The following BRWD3 variants were observed in gnomAD, a reference collection of about 807,000 sequenced individuals.
BRWD3 encodes the protein bromodomain and WD repeat domain containing 3.
Under a neutral mutation model 149.7 loss-of-function variants are expected in BRWD3, and 10 were observed. The observed-to-expected ratio is 0.07, with a 90% CI of 0.04 to 0.11. The LOEUF is 0.11. BRWD3 is among the 10% of genes least tolerant of loss of function. BRWD3 has a pLI of 1.00. For synonymous variants in BRWD3, 504 were observed against 456.7 expected (o/e 1.10, Z -1.32); for missense variants, 940 against 1,373.2 (o/e 0.68, Z 4.99).
chrX:80,769,002 T>C (rs984021862), intron 6 of BRWD3, among the ~76,000 whole-genome samples: 1 of 111,539 alleles, frequency 9.0e-6, no homozygotes, highest in Admixed American at 9.5e-5. Flanking sequence ...AGAAGGACAT[T>C]ACATAATGGT....
At chrX:80,705,226 A>G (rs1440061849) in intron 22 of BRWD3, among the ~76,000 whole-genome samples, 1 of 108,863 alleles carries the variant, frequency 9.2e-6, no homozygotes, top group African/African-American at 3.4e-5. Context: ...AGAGTGTACC[A>G]CTGTGCTCCA....
At chrX:80,800,218 C>A (rs188436301) in intron 4 of BRWD3, among the ~76,000 whole-genome samples, 2 of 104,129 alleles carry the variant, frequency 1.9e-5, no homozygotes, top group Non-Finnish European at 3.9e-5. Flanking sequence ...TGCATGGTAA[C>A]TAGTGCATAA....
At chrX:80,682,245 G>C (rs983835832) in intron 38 of BRWD3, 151 bp from the exon 39 acceptor site, 17 of 608,339 alleles carry the variant, frequency 2.8e-5, no homozygotes, top group Non-Finnish European at 5.1e-6. Context: ...TAATTTGACA[G>C]TGAAACTTCA....
intron 6 of BRWD3, among the ~76,000 whole-genome samples, chrX:80,785,362 C>T (rs1315214772): frequency 5.4e-5 from 6 of 111,835 alleles, no homozygotes; most frequent in East Asian, 5.6e-4. Flanking sequence ...GATATTTTTG[C>T]TCTTGCCATA....
intron 12 of BRWD3, among the ~76,000 whole-genome samples, chrX:80,731,010 C>G (rs758576470): frequency 9.0e-6 from 1 of 111,507 alleles, no homozygotes; most frequent in African/African-American, 3.3e-5. Context: ...ATGAACATCT[C>G]TATATAATCT....
chrX:80,693,332 T>G lies in BRWD3; in HGVS notation c.3152-281A>C, dbSNP rs192201129. ...TTTTTTCAATTAATTAGCATCATCA[T>G]TAGGCACACTTCTTATTGTATTACA... On this transcript the variant is annotated intron_variant, in intron 27 of 40. Coordinates refer to ENST00000373275, the MANE Select transcript of BRWD3 (RefSeq NM_153252.5). 1.9e-3 allele frequency among the ~76,000 whole-genome samples: 213 copies of G among 112,293 alleles called. 1 individual carries two copies. The highest frequency in any genetic ancestry group is 8.3e-4 in the Non-Finnish European group (44 of 53,231).
intron 20 of BRWD3, chrX:80,710,271 C>A (rs2072941625): frequency 8.3e-6 from 3 of 362,798 alleles, no homozygotes; most frequent in South Asian, 6.5e-5. Context: ...ACCCAAATAT[C>A]AACACAACAA....
chrX:80,705,939 C>A (rs1344297289), intron 22 of BRWD3, among the ~76,000 whole-genome samples: 6 of 112,165 alleles, frequency 5.3e-5, no homozygotes, highest in Non-Finnish European at 1.1e-4. Flanking sequence ...GAAGACTTTA[C>A]AAACACTACG....
Position 80,725,104 on chromosome X carries a change from C to T in BRWD3, c.1387-37G>A, listed in dbSNP as rs372849771. ...ATCAGTATTAACAATGAAAGCAACA[C>T]GAAATGTTTGGTTCATTTGGTAAAA... is the stretch of plus-strand genomic sequence containing the variant. On this transcript the variant is annotated intron_variant, in intron 14 of 40. Coordinates refer to ENST00000373275, the MANE Select transcript of BRWD3 (RefSeq NM_153252.5). The T allele has an allele frequency of 1.2e-4, 137 of 1,189,750 alleles. No individual in the cohort carries two copies. In the African/African-American group the frequency reaches 1.9e-3, roughly 17 times the overall value.
intron 9 of BRWD3, among the ~76,000 whole-genome samples, chrX:80,735,545 G>A (rs1423911227): frequency 2.7e-5 from 3 of 111,049 alleles, no homozygotes; most frequent in African/African-American, 9.8e-5. Flanking sequence ...TTTTGGCTGG[G>A]CACAGTGGCT....
intron 14 of BRWD3, 149 bp downstream of exon 14, chrX:80,728,603 C>G (rs1442482908): frequency 2.1e-6 from 1 of 476,390 alleles, no homozygotes; most frequent in Admixed American, 4.3e-5. Context: ...CCCTATTTTA[C>G]AGATATGTCA....
At chrX:80,781,880 T>C (rs1452500179) in intron 6 of BRWD3, among the ~76,000 whole-genome samples, 2 of 111,751 alleles carry the variant, frequency 1.8e-5, no homozygotes, top group Non-Finnish European at 3.8e-5. Flanking sequence ...AGGAAAGATA[T>C]TCCATATTCA....
chrX:80,739,710 A>C (rs944366824), intron 8 of BRWD3, among the ~76,000 whole-genome samples: 1 of 111,923 alleles, frequency 8.9e-6, no homozygotes, highest in African/African-American at 3.2e-5. Context: ...CCAAGCCCTA[A>C]GTTTTTTCCT....
In BRWD3 at chrX:80,791,868, T is replaced by C; in HGVS notation, c.416A>G (p.Lys139Arg). ...ATATTACTCACCCACATTTGGAGGT[T>C]TCACATAATTTACAGGTAGTTCTGG... ...RPPELPVNYV[K>R]PPNVVNITSA... The change falls in exon 6 of 41, where the codon AAA becomes AGA. Residue 139 changes from lysine to arginine, a missense_variant. Lys to Arg is a conservative substitution (Grantham distance 26). Transcript: ENST00000373275. 1 of 1,202,662 alleles carries C rather than the reference T, an allele frequency of 8.3e-7. No homozygotes were observed. The highest frequency in any genetic ancestry group is 3.0e-5 in the East Asian group (1 of 33,747).
At chrX:80,688,384 G>C (rs1051518743) in intron 33 of BRWD3, among the ~76,000 whole-genome samples, 4 of 111,050 alleles carry the variant, frequency 3.6e-5, no homozygotes, top group African/African-American at 1.3e-4. Flanking sequence ...ACAGTGTAGT[G>C]GTTGGTATTT....
Position 80,696,032 on chromosome X carries a change from T to C in BRWD3, c.3069-42A>G, listed in dbSNP as rs147906328. 610 of 1,048,533 alleles carry C rather than the reference T, an allele frequency of 5.8e-4. 6 individuals carry two copies. The East Asian group carries it at 0.014, about 24-fold the overall frequency. The allele number at this position is 1,048,533 out of a possible 1,213,427, so 86.4% of individuals were successfully genotyped here. ...GCACATATGAATCAATATAGAGATA[T>C]AACAATATATGTTACTAAATGTCCA... On this transcript the variant is annotated intron_variant, in intron 26 of 40. Transcript: ENST00000373275.
In BRWD3 at chrX:80,777,693, C is replaced by T. The variant is rs200199122; in HGVS notation, c.430+14161G>A. 7.1e-5 allele frequency among the ~76,000 whole-genome samples: 8 copies of T among 111,976 alleles called. No individual in the cohort carries two copies. The East Asian group carries it at 2.2e-3, about 31-fold the overall frequency. On this transcript the variant is annotated intron_variant, in intron 6 of 40. Transcript: ENST00000373275. ...GATTACAGGCACGAGCCACCATGGC[C>T]GGCCTCTGATTTTTTTAATACAAAT...
At chrX:80,718,625 C>T (rs1159722587) in intron 18 of BRWD3, among the ~76,000 whole-genome samples, 1 of 111,542 alleles carries the variant, frequency 9.0e-6, no homozygotes, top group African/African-American at 3.3e-5. Context: ...TTCAAGTAAC[C>T]TAAATGAACT....
At chrX:80,709,767 C>T (rs1455759998) in intron 20 of BRWD3, among the ~76,000 whole-genome samples, 190 bp from the exon 21 acceptor site, 1 of 111,677 alleles carries the variant, frequency 9.0e-6, no homozygotes, top group Non-Finnish European at 1.9e-5. Flanking sequence ...GATCACTCTC[C>T]TATTTTGTAA....
Sources: allele counts gnomAD v4.1 joint callset (sites outside exome capture counted in the v4.1 genomes callset), GRCh38; gene constraint gnomAD v4.1.1; transcripts MANE v1.5; gene names NCBI Gene and HGNC (gene_info 2026-07-23, HGNC 2026-07-21).